FCGR2A: variants seen among roughly 807,000 people sequenced by gnomAD.
The protein encoded by FCGR2A is Fc gamma receptor IIa.
Under a neutral mutation model 29.3 loss-of-function variants are expected in FCGR2A, and 18 were observed. That is an observed-to-expected ratio of 0.62 (90% CI 0.43 to 0.91). FCGR2A has a LOEUF of 0.91. Among genes scored for constraint, FCGR2A ranks in the 40% least tolerant of loss-of-function variants. The pLI, the probability that FCGR2A is intolerant of heterozygous loss-of-function variation, is 0.00. For synonymous variants in FCGR2A, 126 were observed against 144.8 expected, an observed-to-expected ratio of 0.87 and a Z score of 0.93; for missense variants, 287 against 393.0, an observed-to-expected ratio of 0.73 and a Z score of 2.28.
At chr1:161,522,160 C>G (rs1418018697), downstream of FCGR2A, among the ~76,000 whole-genome samples, 2 of 152,004 alleles carry the variant, frequency 1.3e-5, no homozygotes, top group African/African-American at 2.4e-5. Flanking sequence ...GTGATTGCAT[C>G]ACTGTACTCC....
chr1:161,509,351 T>A (rs1675613627), intron 3 of FCGR2A, among the ~76,000 whole-genome samples: 1 of 152,118 alleles, frequency 6.6e-6, no homozygotes, highest in African/African-American at 2.4e-5. Flanking sequence ...ATTTTTTTTT[T>A]TTTTTAACCA....
intron 5 of FCGR2A, among the ~76,000 whole-genome samples, chr1:161,512,744 C>T (rs1675886615): frequency 1.3e-5 from 2 of 152,184 alleles, no homozygotes; most frequent in Non-Finnish European, 2.9e-5. Flanking sequence ...GCAGAGCCAA[C>T]AGATTTAAGA....
chr1:161,516,076 T>G (rs1257046464), intron 6 of FCGR2A, among the ~76,000 whole-genome samples: 1 of 152,072 alleles, frequency 6.6e-6, no homozygotes, highest in Non-Finnish European at 1.5e-5. Flanking sequence ...AAAGTGAATA[T>G]TCCACCTAGT....
intron 6 of FCGR2A, among the ~76,000 whole-genome samples, chr1:161,516,167 A>G (rs1676134260): frequency 6.6e-6 from 1 of 152,128 alleles, no homozygotes; most frequent in African/African-American, 2.4e-5. Context: ...GGTTTTGTTA[A>G]TATTATGTTT....
chr1:161,523,705 C>G (rs1446241016), downstream of FCGR2A: 1 of 152,282 alleles, frequency 6.6e-6, no homozygotes, highest in Admixed American at 6.5e-5. Flanking sequence ...AATGTCACAT[C>G]TCCTTTGTGG....
At chr1:161,510,292 G>A (rs1196987960) in intron 4 of FCGR2A, 3 of 824,930 alleles carry the variant, frequency 3.6e-6, no homozygotes, top group South Asian at 1.7e-5. Context: ...TCAGGCTGTT[G>A]TTTCACTTTG....
Position 161,513,932 on chromosome 1 carries a change from G to T in FCGR2A, c.780G>T (p.Glu260Asp), listed in dbSNP as rs1278204653. 1 of 1,614,182 alleles carries T rather than the reference G, an allele frequency of 6.2e-7. No individual in the cohort carries two copies. The change falls in exon 6 of 7, where the codon GAG becomes GAT. Residue 260 changes from glutamate to aspartate, a missense_variant and splice_region_variant. Physicochemically the swap from Glu to Asp is conservative, Grantham distance 45. Transcript: ENST00000271450. ...STDPVKAAQF[E>D]PPGRQMIAIR... Reference sequence around the variant, plus strand: ...ATCCTGTGAAGGCTGCCCAATTTGAGGTGAGTAATCCCAGCCATCTCCTTT... The same window carrying T: ...ATCCTGTGAAGGCTGCCCAATTTGATGTGAGTAATCCCAGCCATCTCCTTT...
At position 161,506,014 on chromosome 1, in the gene FCGR2A, A is replaced by G. The variant is rs1360438615; in HGVS notation, c.106+7A>G. 8 of 1,613,682 alleles carry G rather than the reference A, an allele frequency of 5.0e-6. No homozygotes were observed. Among genetic ancestry groups the G allele is most frequent in the Non-Finnish European group, 6.8e-6 (8 of 1,179,562 alleles). On this transcript the variant is annotated splice_region_variant and intron_variant, in intron 2 of 6. Transcript: ENST00000271450. ...TCTGCAGACAGTCAAGCTGGTGAGT[A>G]TGCCCTTTGCTTCCTTGTATTGACA...
At chr1:161,507,857 C>A (rs1675510460) in intron 3 of FCGR2A, among the ~76,000 whole-genome samples, 1 of 151,490 alleles carries the variant, frequency 6.6e-6, no homozygotes, top group Non-Finnish European at 1.5e-5. Context: ...GAGGCTGAGG[C>A]AGGAGGATCA....
chr1:161,506,870 G>A (rs928366621), intron 3 of FCGR2A, among the ~76,000 whole-genome samples: 5 of 152,216 alleles, frequency 3.3e-5, no homozygotes, highest in African/African-American at 1.2e-4. Flanking sequence ...CTGAGTGTGG[G>A]AGAAGCAGAA....
intron 5 of FCGR2A, 53 bp downstream of exon 5, chr1:161,511,009 C>T: frequency 4.3e-6 from 7 of 1,613,498 alleles, no homozygotes; most frequent in Non-Finnish European, 5.9e-6. Context: ...TGGCCCAGGG[C>T]CTAACCCCAG....
intron 4 of FCGR2A, 28 bp from the exon 5 acceptor site, chr1:161,510,806 A>G: frequency 6.2e-7 from 1 of 1,613,442 alleles, no homozygotes; most frequent in Non-Finnish European, 8.5e-7. Flanking sequence ...GTAACCCCCC[A>G]TCCTGCCCTA....
At chr1:161,522,371 A>C (rs978939006), downstream of FCGR2A, among the ~76,000 whole-genome samples, 3 of 152,108 alleles carry the variant, frequency 2.0e-5, no homozygotes, top group Non-Finnish European at 4.4e-5. Flanking sequence ...TATTGGAAGC[A>C]TGCCTCTGTG....
intron 4 of FCGR2A, 140 bp downstream of exon 4, chr1:161,510,214 C>G (rs1456735760): frequency 7.5e-6 from 11 of 1,462,532 alleles, no homozygotes; most frequent in Middle Eastern, 2.1e-4. Flanking sequence ...GGGGTGGAAG[C>G]CTGGCTAAGT....
chr1:161,506,196 G>A, intron 2 of FCGR2A, 138 bp from the exon 3 acceptor site: 3 of 1,331,118 alleles, frequency 2.3e-6, no homozygotes, highest in Non-Finnish European at 3.2e-6. Flanking sequence ...CCAAGGGAAT[G>A]AGGCCGCTGC....
downstream of FCGR2A, chr1:161,523,053 G>T (rs1676515444): frequency 6.6e-6 from 1 of 152,132 alleles, no homozygotes; most frequent in South Asian, 2.1e-4. Context: ...ACGTTAAATA[G>T]AAGCCAACTT....
At chr1:161,506,056 A>G in intron 2 of FCGR2A, 49 bp downstream of exon 2, 1 of 1,586,158 alleles carries the variant, frequency 6.3e-7, no homozygotes, top group Non-Finnish European at 8.7e-7. Flanking sequence ...TATCCTCATA[A>G]TATGATGCTG....
Position 161,510,789 on chromosome 1 carries a change from TA to T in FCGR2A, c.620-41del, listed in dbSNP as rs765739456. 10 of 1,610,780 alleles carry T rather than the reference TA, an allele frequency of 6.2e-6. No individual in the cohort carries two copies. In the Admixed American group the frequency reaches 8.4e-5, roughly 13 times the overall value. ...ACAGGGAGAATACAAACGTTGTCAT[TA>T]AAATAGTAACCCCCCATCCTGCCCT... is the stretch of plus-strand genomic sequence containing the variant. On this transcript the variant is annotated intron_variant, in intron 4 of 6. Transcript: ENST00000271450.
At chr1:161,508,457 G>T (rs938849742) in intron 3 of FCGR2A, among the ~76,000 whole-genome samples, 1 of 151,714 alleles carries the variant, frequency 6.6e-6, no homozygotes, top group Non-Finnish European at 1.5e-5. Context: ...GCGTGATGGC[G>T]CATGCCTGTA....
Sources: gnomAD v4.1 joint callset for allele counts (sites outside exome capture counted in the v4.1 genomes callset) on GRCh38, gnomAD v4.1.1 for gene constraint, MANE v1.5 for transcripts, NCBI Gene and HGNC (gene_info 2026-07-23, HGNC 2026-07-21) for gene names.